The following MON1B variants were observed in gnomAD, a reference collection of about 807,000 sequenced individuals.
MON1B encodes the protein vacuolar fusion protein MON1 homolog B.
Under a neutral mutation model 45.1 loss-of-function variants are expected in MON1B, and 26 were observed. That is an observed-to-expected ratio of 0.58 (90% CI 0.42 to 0.80). The LOEUF is 0.80. Among genes scored for constraint, MON1B ranks in the 30% least tolerant of loss-of-function variants. The probability of loss-of-function intolerance (pLI) is 0.00; values close to 1 mark genes in which losing one functional copy is unlikely to be tolerated. For missense variants in MON1B, 737 were observed against 754.5 expected (o/e 0.98, Z 0.27); for synonymous variants, 395 against 320.2 (o/e 1.23, Z -2.49).
rs1469806882 is a variant in MON1B, at chr16:77,200,698, G to C, written c.*2390G>C. ...TTGAACCCGGGAGGCAGAGGTTATC[G>C]TGAGCTGACATTGCGCCACTGCACT... On this transcript the variant is annotated 3_prime_UTR_variant, in exon 6 of 6. Transcript: ENST00000248248. The C allele has an allele frequency of 6.8e-6, 1 of 146,784 alleles. No homozygotes were observed. Among genetic ancestry groups the C allele is most frequent in the African/African-American group, 2.6e-5 (1 of 39,156 alleles). 9.1% of individuals were successfully genotyped at this position (146,784 alleles called of 1,614,324 possible). A position where few individuals can be genotyped will look rare whatever the true frequency, so the allele number is the denominator to read the frequency against.
At chr16:77,197,625 C>T (rs1054696716) in intron 5 of MON1B, among the ~76,000 whole-genome samples, 6 of 151,944 alleles carry the variant, frequency 3.9e-5, no homozygotes, top group African/African-American at 1.5e-4. Context: ...GTAGAGTGGC[C>T]GGAGCAGAGG....
intron 2 of MON1B, among the ~76,000 whole-genome samples, chr16:77,192,131 T>C (rs1028816786): frequency 6.6e-6 from 1 of 152,078 alleles, no homozygotes; most frequent in Admixed American, 6.5e-5. Context: ...CAAATGTTAG[T>C]GGATGTGTAA....
In MON1B at chr16:77,194,481, C is replaced by G. The variant is rs1484571506; in HGVS notation, c.622C>G (p.Arg208Gly). Residue 208 changes from arginine (R) to glycine (G), a missense_variant, in exon 4 of 6, where the codon CGC (arginine) becomes GGC (glycine). Arg to Gly is a moderately radical substitution (Grantham distance 125). Transcript: ENST00000248248. The surrounding 1 kb of genome is among the most constrained non-coding windows in gnomAD (Gnocchi z 8.1). The part of the protein sequence containing the change: ...VSTLTRASVA[R>G]IFAHKQNYDL... ...CACACTTACACGTGCAAGTGTCGCC[C>G]GCATCTTCGCACACAAGCAGAACTA... The G allele has an allele frequency of 6.2e-7, 1 of 1,613,952 alleles. No homozygotes were observed. Among genetic ancestry groups the G allele is most frequent in the African/African-American group, 1.3e-5 (1 of 74,922 alleles).
In MON1B at chr16:77,191,201, C is replaced by T; in HGVS notation, c.-68C>T. ...CGGGCCGCACCCGGAAGTGTGATGCCACCGCCGCTACGGGGAAGTAATGGT... is the reference window on the plus strand; with the variant it reads ...CGGGCCGCACCCGGAAGTGTGATGCTACCGCCGCTACGGGGAAGTAATGGT... On this transcript the variant is annotated 5_prime_UTR_variant, in exon 1 of 6. Transcript: ENST00000248248. 1 of 1,536,116 alleles carries T rather than the reference C, an allele frequency of 6.5e-7. No homozygotes were observed. The highest frequency in any genetic ancestry group is 1.4e-5 in the African/African-American group (1 of 73,172).
chr16:77,201,234 G>A lies in MON1B; in HGVS notation c.*2926G>A. ...GATTAGAGGCACATACTAAGTGCCA[G>A]CATTCAACAAAAGACAGACGGAAAT... On this transcript the variant is annotated 3_prime_UTR_variant, in exon 6 of 6. Coordinates refer to ENST00000248248, the MANE Select transcript of MON1B (RefSeq NM_014940.4). The A allele has an allele frequency of 6.6e-6, 1 of 152,150 alleles. No individual in the cohort carries two copies. Among genetic ancestry groups the A allele is most frequent in the East Asian group, 1.9e-4 (1 of 5,188 alleles). 9.4% of individuals were successfully genotyped at this position (152,150 alleles called of 1,614,324 possible). A position where few individuals can be genotyped will look rare whatever the true frequency, so the allele number is the denominator to read the frequency against.
chr16:77,192,489 G>T (rs752571449), intron 2 of MON1B, among the ~76,000 whole-genome samples: 3 of 152,180 alleles, frequency 2.0e-5, no homozygotes, highest in Non-Finnish European at 4.4e-5. Flanking sequence ...GTCAGTAGGG[G>T]CTGTTGAAGT....
At chr16:77,191,849 G>C (rs1177210625) in intron 2 of MON1B, among the ~76,000 whole-genome samples, 1 of 152,156 alleles carries the variant, frequency 6.6e-6, no homozygotes, top group Non-Finnish European at 1.5e-5. Flanking sequence ...TGGGGGTTTG[G>C]TGTGAGTTTA....
Position 77,194,702 on chromosome 16 carries a change from C to T in MON1B, c.843C>T (p.Gly281=), listed in dbSNP as rs1166853055. 9 of 1,613,884 alleles carry T rather than the reference C, an allele frequency of 5.6e-6. No individual in the cohort carries two copies. The South Asian group carries it at 6.6e-5, about 12-fold the overall frequency. The change falls in exon 4 of 6, where the codon GGC becomes GGT. Residue 281 remains glycine, a synonymous_variant. Transcript: ENST00000248248. This position sits in a 1 kb window ranked among gnomAD's most constrained non-coding sequence, Gnocchi z 8.1. ...TGGCGCTGTCAGTGCTGGCAGTAGGCGGTCGACTTATAACAGCAGCCCAGG... is the reference window on the plus strand; with the variant it reads ...TGGCGCTGTCAGTGCTGGCAGTAGGTGGTCGACTTATAACAGCAGCCCAGG... The part of the protein sequence containing the change: ...PGLALSVLAV[G]GRLITAAQER...
Position 77,195,572 on chromosome 16 carries a change from C to T in MON1B, c.1333C>T (p.Arg445Trp), listed in dbSNP as rs781332889. 5 of 1,613,600 alleles carry T rather than the reference C, an allele frequency of 3.1e-6. No individual in the cohort carries two copies. The highest frequency in any genetic ancestry group is 1.3e-5 in the African/African-American group (1 of 74,892). ...GGCCCCCTACAGCAGAGAGGAGGAG[C>T]GGCAGCGGCTGTCGGACCTGTACCA... ...LEAPYSREEE[R>W]QRLSDLYHRL... Residue 445 changes from arginine (R) to tryptophan (W), a missense_variant, in exon 5 of 6, where the codon CGG becomes TGG. By Grantham distance (101) the Arg-to-Trp change is moderately radical (BLOSUM62 -3). Coordinates refer to ENST00000248248, the MANE Select transcript of MON1B (RefSeq NM_014940.4).
At position 77,195,652 on chromosome 16, in the gene MON1B, C is replaced by A; in HGVS notation, c.1413C>A (p.His471Gln). 1 of 1,614,192 alleles carries A rather than the reference C, an allele frequency of 6.2e-7. No homozygotes were observed. The highest frequency in any genetic ancestry group is 8.5e-7 in the Non-Finnish European group (1 of 1,180,034). Residue 471 changes from histidine (H) to glutamine (Q), a missense_variant, in exon 5 of 6, where the codon CAC (histidine) becomes CAA (glutamine). By Grantham distance (24) the His-to-Gln change is conservative. Transcript: ENST00000248248. ...CCCGACCCCTGCGCCTCATTTACCA[C>A]GTGGCTGAGAAGGAGACACTACTGG... ...STSRPLRLIY[H>Q]VAEKETLLAW...
chr16:77,195,836 A>C, intron 5 of MON1B, 154 bp downstream of exon 5: 1 of 872,344 alleles, frequency 1.1e-6, no homozygotes, highest in Non-Finnish European at 1.7e-6. Flanking sequence ...CTTTACACAC[A>C]CATCTTTGAA....
intron 2 of MON1B, 76 bp downstream of exon 2, chr16:77,191,709 G>C: frequency 6.7e-7 from 1 of 1,496,846 alleles, no homozygotes; most frequent in Non-Finnish European, 9.0e-7. Flanking sequence ...GGGTCAGTGG[G>C]TGACCAGTAG....
At position 77,194,752 on chromosome 16, in the gene MON1B, G is replaced by A. The variant is rs756248245; in HGVS notation, c.893G>A (p.Arg298Gln). 10 of 1,613,712 alleles carry A rather than the reference G, an allele frequency of 6.2e-6. No individual in the cohort carries two copies. The highest frequency in any genetic ancestry group is 1.3e-5 in the African/African-American group (1 of 74,948). The change falls in exon 4 of 6, where the codon CGG (arginine) becomes CAG (glutamine). Residue 298 changes from arginine (R) to glutamine (Q), a missense_variant. Physicochemically the swap from Arg to Gln is conservative, Grantham distance 43 (BLOSUM62 1). Coordinates refer to ENST00000248248, the MANE Select transcript of MON1B (RefSeq NM_014940.4). The surrounding 1 kb of genome is among the most constrained non-coding windows in gnomAD (Gnocchi z 8.1). ...GAGCGAAATGTGCTGGCCGAGTGCC[G>A]GCTGGACCCAGCTGACCTGCAGTTG... ...AQERNVLAEC[R>Q]LDPADLQLLL...
rs1567422956 is a variant in MON1B, at chr16:77,200,248, G to GTGTA, written c.*1941_*1942insGTAT. 1.1e-5 allele frequency: 1 copy of GTGTA among 88,990 alleles called. No homozygotes were observed. Among genetic ancestry groups the GTGTA allele is most frequent in the African/African-American group, 5.2e-5 (1 of 19,314 alleles). The allele number at this position is 88,990 out of a possible 1,614,324, so 5.5% of individuals were successfully genotyped here. On this transcript the variant is annotated 3_prime_UTR_variant, in exon 6 of 6. Coordinates refer to ENST00000248248, the MANE Select transcript of MON1B (RefSeq NM_014940.4). ...TATGTGTGTGTATATATATATATAT[G>GTGTA]TATATGTGTATATATATATATATGT...
chr16:77,199,354 G>T lies in MON1B; in HGVS notation c.*1046G>T. 1 of 1,233,730 alleles carries T rather than the reference G, an allele frequency of 8.1e-7. No individual in the cohort carries two copies. The highest frequency in any genetic ancestry group is 1.1e-6 in the Non-Finnish European group (1 of 870,108). 76.4% of individuals were successfully genotyped at this position (1,233,730 alleles called of 1,614,324 possible). A position where few individuals can be genotyped will look rare whatever the true frequency, so the allele number is the denominator to read the frequency against. On this transcript the variant is annotated 3_prime_UTR_variant, in exon 6 of 6. Transcript: ENST00000248248. ...TGATTTAACCGCTGGCGTAACCGCG[G>T]GTTGCACGCATGCGTGCTGAAAAGC...
Position 77,200,272 on chromosome 16 carries a change from G to GTATATATATA in MON1B, c.*1965_*1966insATATATATAT, listed in dbSNP as rs1333107439. The stretch of plus-strand genomic sequence containing the variant: ...TGTATATGTGTATATATATATATAT[G>GTATATATATA]TGTATATATATATATATATACACAC... On this transcript the variant is annotated 3_prime_UTR_variant, in exon 6 of 6. Transcript: ENST00000248248. 18 of 84,620 alleles carry GTATATATATA rather than the reference G, an allele frequency of 2.1e-4. No individual in the cohort carries two copies. The highest frequency in any genetic ancestry group is 6.6e-4 in the East Asian group (2 of 3,010). 5.2% of individuals were successfully genotyped at this position (84,620 alleles called of 1,614,324 possible).
In MON1B at chr16:77,200,256, G is replaced by GTATATATATATATGTATATATATATATA. The variant is rs2054719886; in HGVS notation, c.*1961_*1962insGTATATATATATATATATATATATATAT. On this transcript the variant is annotated 3_prime_UTR_variant, in exon 6 of 6. Coordinates refer to ENST00000248248, the MANE Select transcript of MON1B (RefSeq NM_014940.4). ...TGTATATATATATATATGTATATGT[G>GTATATATATATATGTATATATATATATA]TATATATATATATATGTGTATATAT... 5 of 83,636 alleles carry GTATATATATATATGTATATATATATATA rather than the reference G, an allele frequency of 6.0e-5. 1 individual carries two copies. Among genetic ancestry groups the GTATATATATATATGTATATATATATATA allele is most frequent in the African/African-American group, 1.5e-4 (4 of 26,958 alleles). The allele number at this position is 83,636 out of a possible 1,614,324, so 5.2% of individuals were successfully genotyped here. A position where few individuals can be genotyped will look rare whatever the true frequency, so the allele number is the denominator to read the frequency against.
At position 77,194,845 on chromosome 16, in the gene MON1B, G is replaced by A. The variant is rs547327074; in HGVS notation, c.986G>A (p.Arg329His). ...GEAWAPVCLP[R>H]FNPDGFFYAY... ...GCTTGGGCACCTGTGTGCCTGCCCC[G>A]CTTCAACCCTGATGGTTTTTTCTAC... Residue 329 changes from arginine to histidine, a missense_variant, in exon 4 of 6, where the codon CGC becomes CAC. Coordinates refer to ENST00000248248, the MANE Select transcript of MON1B (RefSeq NM_014940.4). This position sits in a 1 kb window ranked among gnomAD's most constrained non-coding sequence, Gnocchi z 8.1. 1.6e-5 allele frequency: 25 copies of A among 1,609,646 alleles called. No individual in the cohort carries two copies. Among genetic ancestry groups the A allele is most frequent in the East Asian group, 4.5e-5 (2 of 44,880 alleles).
intron 5 of MON1B, among the ~76,000 whole-genome samples, chr16:77,197,544 C>T (rs1249923136): frequency 6.6e-6 from 1 of 152,042 alleles, no homozygotes; most frequent in Non-Finnish European, 1.5e-5. Context: ...GTACACCTGG[C>T]AGAGGGAAAG....
Sources: gnomAD v4.1 joint callset for allele counts (sites outside exome capture counted in the v4.1 genomes callset) on GRCh38, gnomAD v4.1.1 for gene constraint, Gnocchi (gnomAD v3.1) non-coding constraint, MANE v1.5 for transcripts, NCBI Gene and HGNC (gene_info 2026-07-23, HGNC 2026-07-21) for gene names.